OSBPL10: variants seen among roughly 807,000 people sequenced by gnomAD.
OSBPL10 encodes oxysterol-binding protein-related protein 10.
Under a neutral mutation model 81.7 loss-of-function variants are expected in OSBPL10, and 49 were observed. That is an observed-to-expected ratio of 0.60 (90% CI 0.48 to 0.76). The LOEUF (loss-of-function observed/expected upper bound fraction) is 0.76, where lower values mean the gene tolerates loss of function less well. Ranked by LOEUF, OSBPL10 falls within the 30% of genes least tolerant of loss-of-function variation. The pLI, the probability that OSBPL10 is intolerant of heterozygous loss-of-function variation, is 0.00. For synonymous variants in OSBPL10, 419 were observed against 383.6 expected (o/e 1.09, Z -1.08); for missense variants, 923 against 987.8 (o/e 0.93, Z 0.88).
intron 4 of OSBPL10, among the ~76,000 whole-genome samples, chr3:31,803,217 GGCCAATGACTA>G (rs1221088577): frequency 1.3e-5 from 2 of 152,062 alleles, no homozygotes; most frequent in Non-Finnish European, 1.5e-5. Flanking sequence ...AGCTCTACCA[GGCCAATGACTA>G]GTTACAGCCC....
intron 3 of OSBPL10, among the ~76,000 whole-genome samples, chr3:31,858,999 T>C (rs1700997016): frequency 1.3e-5 from 2 of 152,230 alleles, no homozygotes; most frequent in Admixed American, 6.5e-5. Context: ...ACATGCTTAA[T>C]ATTACTTAAT....
chr3:32,047,413 G>A (rs1283202978), intron 1 of OSBPL10, among the ~76,000 whole-genome samples: 3 of 152,086 alleles, frequency 2.0e-5, no homozygotes, highest in African/African-American at 4.8e-5. Flanking sequence ...GATTATTCAC[G>A]AGTTTTCCCG....
chr3:31,931,053 AGAG>A (rs773871501), intron 1 of OSBPL10, among the ~76,000 whole-genome samples: 1 of 150,122 alleles, frequency 6.7e-6, no homozygotes, highest in Non-Finnish European at 1.5e-5. Flanking sequence ...ATAGTAAAAA[AGAG>A]TGCTCACACC....
intron 3 of OSBPL10, among the ~76,000 whole-genome samples, chr3:31,839,134 C>T (rs1700433632): frequency 6.6e-6 from 1 of 152,182 alleles, no homozygotes; most frequent in Admixed American, 6.5e-5. Flanking sequence ...ATTTTTATCA[C>T]CGGTTAAACC....
intron 3 of OSBPL10, among the ~76,000 whole-genome samples, chr3:31,865,962 C>T (rs940473955): frequency 2.6e-5 from 4 of 152,116 alleles, no homozygotes; most frequent in African/African-American, 9.7e-5. Context: ...CTTCTGAAAT[C>T]CCTGGTAACC....
chr3:31,777,243 A>G (rs954508380), intron 4 of OSBPL10, among the ~76,000 whole-genome samples: 20 of 152,208 alleles, frequency 1.3e-4, no homozygotes, highest in Non-Finnish European at 2.4e-4. Flanking sequence ...ACAGGAAATA[A>G]TGAACAGCAG....
chr3:32,030,746 C>G (rs1050280275), intron 2 of OSBPL10: 1 of 656,956 alleles, frequency 1.5e-6, no homozygotes, highest in South Asian at 1.8e-5. Context: ...AATTACTAAG[C>G]AAAACCCTTA....
chr3:31,783,111 T>TTACA (rs1553625096), intron 4 of OSBPL10, among the ~76,000 whole-genome samples: 1 of 121,690 alleles, frequency 8.2e-6, no homozygotes, highest in Non-Finnish European at 1.6e-5. Context: ...AATATATCTA[T>TTACA]TATATATATA....
chr3:31,871,266 C>T (rs887550096), intron 3 of OSBPL10, among the ~76,000 whole-genome samples: 1 of 152,020 alleles, frequency 6.6e-6, no homozygotes, highest in South Asian at 2.1e-4. Flanking sequence ...CCAGCGAGAC[C>T]ATGAGCCCAC....
At chr3:31,935,264 T>C (rs1489949088) in intron 1 of OSBPL10, among the ~76,000 whole-genome samples, 3 of 152,102 alleles carry the variant, frequency 2.0e-5, no homozygotes, top group Non-Finnish European at 4.4e-5. Context: ...AAACCAGAAT[T>C]CCATTAGATA....
chr3:32,050,060 C>T (rs887411305), intron 1 of OSBPL10, among the ~76,000 whole-genome samples: 7 of 152,176 alleles, frequency 4.6e-5, no homozygotes, highest in African/African-American at 1.7e-4. Context: ...TCTGGTGTAA[C>T]AGCAGCAAAA....
chr3:31,672,721 T>A (rs532700859), intron 8 of OSBPL10, among the ~76,000 whole-genome samples: 1 of 152,164 alleles, frequency 6.6e-6, no homozygotes, highest in Non-Finnish European at 1.5e-5. Flanking sequence ...TCCCAACCCA[T>A]GAAATACTTG....
chr3:31,915,387 T>G (rs1326891984), intron 1 of OSBPL10, among the ~76,000 whole-genome samples: 1 of 152,084 alleles, frequency 6.6e-6, no homozygotes, highest in Non-Finnish European at 1.5e-5. Flanking sequence ...GTGGACTGGA[T>G]ATATAAAATG....
rs958357611 is a variant in OSBPL10 at position 31,819,892 on chromosome 3, G to T, written c.729+10148C>A. 2.0e-5 allele frequency among the ~76,000 whole-genome samples: 3 copies of T among 152,190 alleles called. No homozygotes were observed. The East Asian group carries it at 5.8e-4, about 29-fold the overall frequency. Reference sequence around the variant, plus strand: ...ATTCAACAGAAAGGTCTAAAGAGTAGAGCCAAGGCTTCCTTAAGGAAGAAA... The same window carrying T: ...ATTCAACAGAAAGGTCTAAAGAGTATAGCCAAGGCTTCCTTAAGGAAGAAA... On this transcript the variant is annotated intron_variant, in intron 4 of 11. Transcript: ENST00000396556.
intron 4 of OSBPL10, among the ~76,000 whole-genome samples, chr3:31,765,619 A>T (rs1041558011): frequency 6.6e-6 from 1 of 152,174 alleles, no homozygotes; most frequent in African/African-American, 2.4e-5. Flanking sequence ...TGCCACTATG[A>T]GATGGATCCA....
chr3:31,920,570 G>A (rs4328841), intron 1 of OSBPL10, among the ~76,000 whole-genome samples: 28,042 of 152,026 alleles, frequency 0.18, 3,193 homozygotes, highest in East Asian at 0.37. Flanking sequence ...CATGTGTACT[G>A]GAACTAAACA....
At chr3:31,852,179 A>AAG (rs1473893867) in intron 3 of OSBPL10, among the ~76,000 whole-genome samples, 8 of 152,192 alleles carry the variant, frequency 5.3e-5, no homozygotes, top group South Asian at 2.1e-4. Flanking sequence ...AAATGGAGAT[A>AAG]AGACCTACCC....
At chr3:31,951,906 C>T (rs903217631) in intron 1 of OSBPL10, among the ~76,000 whole-genome samples, 10 of 152,006 alleles carry the variant, frequency 6.6e-5, no homozygotes, top group African/African-American at 1.4e-4. Flanking sequence ...TTTCCACCAG[C>T]GAAGAAAAAA....
intron 1 of OSBPL10, among the ~76,000 whole-genome samples, chr3:31,978,620 C>T (rs1698746622): frequency 6.6e-6 from 1 of 152,154 alleles, no homozygotes; most frequent in African/African-American, 2.4e-5. Flanking sequence ...AACCCTGACA[C>T]TGAGATGTTA....
Sources: gnomAD v4.1 joint callset for allele counts (sites outside exome capture counted in the v4.1 genomes callset) on GRCh38, gnomAD v4.1.1 for gene constraint, MANE v1.5 for transcripts, NCBI Gene and HGNC (gene_info 2026-07-23, HGNC 2026-07-21) for gene names.